The following SRPK2 variants were observed in gnomAD, a reference collection of about 807,000 sequenced individuals.
The protein encoded by SRPK2 is SRSF protein kinase 2.
SRPK2 carries 21 observed loss-of-function variants against 90.8 expected under a neutral mutation model. The observed-to-expected ratio is 0.23, with a 90% CI of 0.16 to 0.33. The LOEUF (loss-of-function observed/expected upper bound fraction) is 0.33, where lower values mean the gene tolerates loss of function less well. SRPK2 is among the 10% of genes least tolerant of loss of function. SRPK2 has a pLI of 1.00. For missense variants in SRPK2, 620 were observed against 869.0 expected (o/e 0.71, Z 3.60); for synonymous variants, 288 against 311.1 (o/e 0.93, Z 0.78).
downstream of SRPK2, among the ~76,000 whole-genome samples, chr7:105,114,787 A>AATG (rs1193079372): frequency 1.3e-5 from 2 of 152,194 alleles, no homozygotes; most frequent in African/African-American, 2.4e-5. Flanking sequence ...AAAATTAGCT[A>AATG]ATGATGGTAC....
At chr7:105,232,399 C>T (rs1045471826) in intron 2 of SRPK2, among the ~76,000 whole-genome samples, 2 of 146,756 alleles carry the variant, frequency 1.4e-5, no homozygotes, top group Non-Finnish European at 3.0e-5. Flanking sequence ...GCAAAGGTTG[C>T]GGTGAGCCGA....
chr7:105,357,194 G>A (rs530907671), intron 2 of SRPK2, among the ~76,000 whole-genome samples: 32 of 152,004 alleles, frequency 2.1e-4, no homozygotes, highest in African/African-American at 7.0e-4. Context: ...CCACCACCAC[G>A]CCTGGCTAAT....
At chr7:105,139,355 C>A (rs998919321) in intron 11 of SRPK2, among the ~76,000 whole-genome samples, 2 of 152,248 alleles carry the variant, frequency 1.3e-5, no homozygotes, top group East Asian at 1.9e-4. Context: ...GCAAGGGGGA[C>A]CCCTACTTAG....
chr7:105,166,059 C>T (rs530307401), intron 6 of SRPK2, among the ~76,000 whole-genome samples: 7 of 152,260 alleles, frequency 4.6e-5, no homozygotes, highest in Non-Finnish European at 5.9e-5. Context: ...GGACACATTA[C>T]GACTAAGGCC....
At chr7:105,322,789 G>C (rs865965582) in intron 2 of SRPK2, among the ~76,000 whole-genome samples, 3 of 151,572 alleles carry the variant, frequency 2.0e-5, no homozygotes, top group African/African-American at 7.3e-5. Flanking sequence ...TTATTAGCTA[G>C]TCTATACAAT....
intron 2 of SRPK2, among the ~76,000 whole-genome samples, chr7:105,207,003 AG>A (rs1796307821): frequency 6.6e-6 from 1 of 152,242 alleles, no homozygotes; most frequent in African/African-American, 2.4e-5. Context: ...AGAAAGTCTC[AG>A]TTCAATGTAA....
chr7:105,183,037 A>G (rs1793087415), intron 3 of SRPK2, among the ~76,000 whole-genome samples: 1 of 152,226 alleles, frequency 6.6e-6, no homozygotes, highest in African/African-American at 2.4e-5. Flanking sequence ...GAGCCAAGCT[A>G]TCACGGGATC....
chr7:105,149,782 G>A (rs192387002), intron 7 of SRPK2, among the ~76,000 whole-genome samples: 5 of 151,896 alleles, frequency 3.3e-5, no homozygotes, highest in Admixed American at 3.3e-4. Context: ...GAAGTGAGAG[G>A]GAACAAAGAT....
intron 3 of SRPK2, among the ~76,000 whole-genome samples, chr7:105,194,953 C>T (rs1202274331): frequency 6.6e-6 from 1 of 152,196 alleles, no homozygotes; most frequent in African/African-American, 2.4e-5. Flanking sequence ...AATGGTGCTG[C>T]AGCAACAAGA....
intron 13 of SRPK2, among the ~76,000 whole-genome samples, chr7:105,128,821 A>G (rs1044169931): frequency 2.0e-5 from 3 of 152,178 alleles, no homozygotes; most frequent in Admixed American, 6.5e-5. Context: ...CAGCCTCCAG[A>G]GAAGCTGGGA....
At chr7:105,299,835 A>C (rs1361434263) in intron 2 of SRPK2, among the ~76,000 whole-genome samples, 1 of 152,194 alleles carries the variant, frequency 6.6e-6, no homozygotes, top group African/African-American at 2.4e-5. Context: ...CGTAAGTTGC[A>C]GTGAGCCGAG....
intron 15 of SRPK2, among the ~76,000 whole-genome samples, chr7:105,124,550 A>G (rs575824324): frequency 6.6e-4 from 98 of 147,498 alleles, no homozygotes; most frequent in Non-Finnish European, 1.0e-3. Context: ...TTGAGGCAGG[A>G]GAATCACTTG....
chr7:105,267,199 T>C (rs1232109621), intron 2 of SRPK2, among the ~76,000 whole-genome samples: 1 of 152,222 alleles, frequency 6.6e-6, no homozygotes, highest in Non-Finnish European at 1.5e-5. Context: ...AGAATATCTT[T>C]CCTTACAGAA....
chr7:105,384,504 T>C (rs1056146086), intron 2 of SRPK2, among the ~76,000 whole-genome samples: 1 of 152,196 alleles, frequency 6.6e-6, no homozygotes, highest in African/African-American at 2.4e-5. Flanking sequence ...CAAAAGTAGA[T>C]AATGACAAAA....
chr7:105,224,373 T>G (rs2158621), intron 2 of SRPK2, among the ~76,000 whole-genome samples: 143,560 of 152,032 alleles, frequency 0.94, 67,858 homozygotes, highest in African/African-American at 0.98. Context: ...ACTTTGGGAC[T>G]CTGAGGCGGG....
At chr7:105,162,201 C>G (rs1807775183) in intron 6 of SRPK2, among the ~76,000 whole-genome samples, 1 of 152,236 alleles carries the variant, frequency 6.6e-6, no homozygotes, top group Non-Finnish European at 1.5e-5. Context: ...GCCACTATGC[C>G]CAGTTGATTT....
rs1415365543 is a variant in SRPK2 at position 105,362,290 on chromosome 7, C to G, written c.71+26358G>C. 2.0e-5 allele frequency among the ~76,000 whole-genome samples: 3 copies of G among 152,102 alleles called. No homozygotes were observed. The East Asian group carries it at 5.8e-4, about 29-fold the overall frequency. On this transcript the variant is annotated intron_variant, in intron 2 of 15. Transcript: ENST00000393651. ...AACCACAATGAGATACCATCTCACA[C>G]CAGTTAGAATGGCGATCATTAAAAA...
At chr7:105,273,133 TGAACC>T (rs927917268) in intron 2 of SRPK2, among the ~76,000 whole-genome samples, 2 of 151,628 alleles carry the variant, frequency 1.3e-5, no homozygotes, top group Non-Finnish European at 2.9e-5. Flanking sequence ...GAGAATGGCA[TGAACC>T]CGGGAGGCGG....
At chr7:105,197,908 T>C (rs559911756) in intron 3 of SRPK2, among the ~76,000 whole-genome samples, 1 of 152,330 alleles carries the variant, frequency 6.6e-6, no homozygotes, top group African/African-American at 2.4e-5. Flanking sequence ...ACAAAACTCA[T>C]GTCTGAGGAC....
Sources: gnomAD v4.1 joint callset for allele counts (sites outside exome capture counted in the v4.1 genomes callset) on GRCh38, gnomAD v4.1.1 for gene constraint, MANE v1.5 for transcripts, NCBI Gene and HGNC (gene_info 2026-07-23, HGNC 2026-07-21) for gene names.